SUSD1: variants seen among roughly 807,000 people sequenced by gnomAD.
SUSD1 encodes sushi domain-containing protein 1.
SUSD1 carries 65 observed loss-of-function variants against 86.9 expected under a neutral mutation model. The observed-to-expected ratio is 0.75, with a 90% CI of 0.61 to 0.92. The LOEUF is 0.92. Among genes scored for constraint, SUSD1 ranks in the 40% least tolerant of loss-of-function variants. The pLI is 0.00. For missense variants in SUSD1, 850 were observed against 929.7 expected (o/e 0.91, Z 1.11); for synonymous variants, 346 against 350.0 (o/e 0.99, Z 0.13).
At chr9:112,079,130 C>T (rs1374302975) in intron 11 of SUSD1, among the ~76,000 whole-genome samples, 1 of 151,450 alleles carries the variant, frequency 6.6e-6, no homozygotes, top group African/African-American at 2.4e-5. Context: ...TTTTCATGAG[C>T]TTTCTTCCTC....
At position 112,160,581 on chromosome 9, in the gene SUSD1, G is replaced by A. The variant is rs1486402736; in HGVS notation, c.104-2968C>T. On this transcript the variant is annotated intron_variant, in intron 1 of 16. Coordinates refer to ENST00000374270, the MANE Select transcript of SUSD1 (RefSeq NM_022486.5). The stretch of plus-strand genomic sequence containing the variant: ...TAAAGAAGATGAGAAAGAGATGGAT[G>A]GGCCAGGTACAGTGGCTCATGCCTG... Among the ~76,000 whole-genome samples, 5 of 152,052 alleles carry A rather than the reference G, an allele frequency of 3.3e-5. No individual in the cohort carries two copies. In the East Asian group the frequency reaches 9.7e-4, roughly 29 times the overall value.
At chr9:112,075,439 G>A in intron 12 of SUSD1, among the ~76,000 whole-genome samples, 1 of 152,124 alleles carries the variant, frequency 6.6e-6, no homozygotes, top group Middle Eastern at 3.2e-3. Flanking sequence ...TAGAAAACAA[G>A]CTCTAGGCTG....
chr9:112,157,645 A>G, intron 1 of SUSD1, 32 bp from the exon 2 acceptor site: 1 of 1,574,668 alleles, frequency 6.4e-7, no homozygotes, highest in Non-Finnish European at 8.7e-7. Flanking sequence ...TCAGAAAAAG[A>G]AAAATGCAAG....
chr9:112,145,063 A>G (rs1832750903), intron 3 of SUSD1, among the ~76,000 whole-genome samples: 1 of 152,072 alleles, frequency 6.6e-6, no homozygotes, highest in South Asian at 2.1e-4. Flanking sequence ...GCAACACAGC[A>G]AGACCCTCAT....
intron 1 of SUSD1, among the ~76,000 whole-genome samples, chr9:112,172,598 ATCTT>A (rs1488720254): frequency 6.6e-6 from 1 of 152,190 alleles, no homozygotes; most frequent in Non-Finnish European, 1.5e-5. Flanking sequence ...ACAACTAATC[ATCTT>A]TCTTTCCAAA....
chr9:112,112,711 C>G, intron 7 of SUSD1, 60 bp downstream of exon 7: 1 of 1,144,572 alleles, frequency 8.7e-7, no homozygotes, highest in Non-Finnish European at 1.3e-6. Context: ...GTCCCTCTGA[C>G]TCATATTCCC....
At chr9:112,166,910 C>T (rs4978476) in intron 1 of SUSD1, among the ~76,000 whole-genome samples, 127,137 of 152,072 alleles carry the variant, frequency 0.84, 53,538 homozygotes, top group African/African-American at 0.94. Context: ...CTGACAAGTG[C>T]TCTTTGTTAC....
chr9:112,100,271 C>G (rs1340006921), intron 9 of SUSD1, among the ~76,000 whole-genome samples: 2 of 152,240 alleles, frequency 1.3e-5, no homozygotes, highest in African/African-American at 4.8e-5. Context: ...ACTGCAAGCT[C>G]CACCTCCCAG....
intron 13 of SUSD1, among the ~76,000 whole-genome samples, chr9:112,062,419 G>C (rs1036360672): frequency 2.0e-5 from 3 of 152,214 alleles, no homozygotes; most frequent in African/African-American, 7.2e-5. Context: ...ATGTGGCCGG[G>C]TGTGGTGGTT....
intron 11 of SUSD1, among the ~76,000 whole-genome samples, 169 bp downstream of exon 11, chr9:112,079,905 G>C (rs1048717926): frequency 6.6e-6 from 1 of 152,078 alleles, no homozygotes; most frequent in African/African-American, 2.4e-5. Flanking sequence ...CCCAGCCACT[G>C]TCTTTAAATA....
chr9:112,102,477 C>G (rs1830671732), intron 8 of SUSD1, among the ~76,000 whole-genome samples, 192 bp from the exon 9 acceptor site: 1 of 152,172 alleles, frequency 6.6e-6, no homozygotes, highest in Admixed American at 6.5e-5. Context: ...ATTACCTTAG[C>G]TAAGTCACTG....
rs982814617 is a variant in SUSD1, at chr9:112,111,689, C to A, written c.1136G>T (p.Arg379Leu). Residue 379 changes from arginine (R) to leucine (L), a missense_variant, in exon 8 of 17, where the codon CGC becomes CTC. Transcript: ENST00000374270. ...GAAACCGATGACGGCTGGCATCGAG[C>A]GCCTGGGAGGTGCTGTGGAGATGTT... ...TVNISTAPPR[R>L]SMPAVIGFQT... 6.2e-7 allele frequency: 1 copy of A among 1,614,026 alleles called. No individual in the cohort carries two copies. Among genetic ancestry groups the A allele is most frequent in the African/African-American group, 1.3e-5 (1 of 75,012 alleles).
intron 5 of SUSD1, among the ~76,000 whole-genome samples, chr9:112,135,063 CA>C (rs34814068): frequency 6.6e-4 from 87 of 132,608 alleles, no homozygotes; most frequent in Admixed American, 7.8e-4. Context: ...CAAACTGTCT[CA>C]AAAAAAAAAA....
At chr9:112,151,081 T>C (rs1217996966) in intron 2 of SUSD1, among the ~76,000 whole-genome samples, 1 of 152,226 alleles carries the variant, frequency 6.6e-6, no homozygotes, top group Non-Finnish European at 1.5e-5. Context: ...CAGCTAGCAC[T>C]ACAGGCACAA....
intron 1 of SUSD1, 98 bp from the exon 2 acceptor site, chr9:112,157,711 A>G: frequency 1.2e-6 from 1 of 827,180 alleles, no homozygotes. Context: ...TTTGAAGACC[A>G]AAATAACACA....
chr9:112,066,718 G>A (rs933577077), intron 12 of SUSD1, among the ~76,000 whole-genome samples: 10 of 152,018 alleles, frequency 6.6e-5, no homozygotes, highest in Admixed American at 4.6e-4. Context: ...TGTGGAGAGC[G>A]GCCCTTCTCC....
chr9:112,126,955 C>T (rs957430520), intron 5 of SUSD1, among the ~76,000 whole-genome samples: 3 of 152,124 alleles, frequency 2.0e-5, no homozygotes, highest in African/African-American at 7.2e-5. Context: ...GGGTATTTTC[C>T]CCACTGTACA....
At chr9:112,063,556 G>A (rs141588977) in intron 12 of SUSD1, among the ~76,000 whole-genome samples, 1 of 152,266 alleles carries the variant, frequency 6.6e-6, no homozygotes, top group African/African-American at 2.4e-5. Flanking sequence ...TACTTGGTAG[G>A]GAAGACCACC....
At chr9:112,174,998 G>C in intron 1 of SUSD1, 135 bp downstream of exon 1, 1 of 604,832 alleles carries the variant, frequency 1.7e-6, no homozygotes, top group Non-Finnish European at 2.1e-6. Flanking sequence ...GGCCGGCGCG[G>C]GCCCCACCTG....
Sources: allele counts gnomAD v4.1 joint callset (sites outside exome capture counted in the v4.1 genomes callset), GRCh38; gene constraint gnomAD v4.1.1; transcripts MANE v1.5; gene names NCBI Gene and HGNC (gene_info 2026-07-23, HGNC 2026-07-21).